The following ERAP2 variants were observed in gnomAD, a reference collection of about 807,000 sequenced individuals.
The protein encoded by ERAP2 is endoplasmic reticulum aminopeptidase 2.
In ERAP2, 118 loss-of-function variants were observed where a neutral mutation model predicts 111.1. That is an observed-to-expected ratio of 1.06 (90% CI 0.92 to 1.24). The LOEUF (loss-of-function observed/expected upper bound fraction) is 1.24, where lower values mean the gene tolerates loss of function less well. ERAP2 is among the 50% of genes most tolerant of loss of function. ERAP2 has a pLI of 0.00. For synonymous variants in ERAP2, 410 were observed against 401.2 expected (o/e 1.02, Z -0.26); for missense variants, 1,131 against 1,125.8 (o/e 1.00, Z -0.07).
intron 13 of ERAP2, among the ~76,000 whole-genome samples, chr5:96,908,632 T>C (rs1401900286): frequency 1.3e-5 from 2 of 152,234 alleles, no homozygotes; most frequent in Non-Finnish European, 2.9e-5. Flanking sequence ...TATTGGCTAA[T>C]ATTTATTTCA....
chr5:96,901,471 C>T (rs965997791), intron 10 of ERAP2, 35 bp from the exon 11 acceptor site: 1 of 1,602,918 alleles, frequency 6.2e-7, no homozygotes. Flanking sequence ...ATTGTCTCCT[C>T]TCTCTTGAGT....
Position 96,887,073 on chromosome 5 carries a change from GTATATATA to G in ERAP2, c.849+305_849+312del, listed in dbSNP as rs35218383. Among the ~76,000 whole-genome samples the G allele has an allele frequency of 2.5e-3, 216 of 87,186 alleles. 1 individual carries two copies. The highest frequency in any genetic ancestry group is 3.7e-3 in the Non-Finnish European group (159 of 43,530). 57.2% of individuals were successfully genotyped at this position (87,186 alleles called of 152,430 possible). A position where few individuals can be genotyped will look rare whatever the true frequency, so the allele number is the denominator to read the frequency against. ...TATATATGTAAAGGTAATTTTCAAA[GTATATATA>G]TATATATATATATATATATACACAC... On this transcript the variant is annotated intron_variant, in intron 4 of 18. Transcript: ENST00000437043.
intron 4 of ERAP2, 46 bp from the exon 5 acceptor site, chr5:96,889,139 C>A: frequency 6.2e-7 from 1 of 1,608,338 alleles, no homozygotes; most frequent in African/African-American, 1.3e-5. Context: ...TGGAATTATG[C>A]CAGGGAGCTG....
intron 5 of ERAP2, 89 bp from the exon 6 acceptor site, chr5:96,892,210 A>G: frequency 7.5e-7 from 1 of 1,330,882 alleles, no homozygotes; most frequent in Non-Finnish European, 1.1e-6. Flanking sequence ...AAATATGCTT[A>G]AAGGATCATA....
chr5:96,896,267 G>T, intron 7 of ERAP2, 106 bp from the exon 8 acceptor site: 2 of 853,098 alleles, frequency 2.3e-6, no homozygotes, highest in Non-Finnish European at 3.5e-6. Context: ...AAGAAATATC[G>T]ATTGAAATCT....
At chr5:96,893,913 C>G (rs1784620296) in intron 6 of ERAP2, among the ~76,000 whole-genome samples, 1 of 152,168 alleles carries the variant, frequency 6.6e-6, no homozygotes, top group African/African-American at 2.4e-5. Flanking sequence ...CAGGTTGTAT[C>G]ACTCTGCCTT....
intron 5 of ERAP2, among the ~76,000 whole-genome samples, chr5:96,890,421 G>A (rs1784218513): frequency 6.6e-6 from 1 of 152,126 alleles, no homozygotes; most frequent in African/African-American, 2.4e-5. Context: ...ATGCTCTCTC[G>A]CCCACCGCTC....
chr5:96,901,042 G>A (rs1785398789), intron 10 of ERAP2, among the ~76,000 whole-genome samples: 1 of 152,114 alleles, frequency 6.6e-6, no homozygotes, highest in African/African-American at 2.4e-5. Context: ...GCAGCCAGAG[G>A]TTTTGTTCTC....
chr5:96,912,083 G>C (rs1039531747), intron 15 of ERAP2, among the ~76,000 whole-genome samples: 7 of 149,994 alleles, frequency 4.7e-5, no homozygotes, highest in Non-Finnish European at 8.9e-5. Flanking sequence ...CCAGCTACTC[G>C]GGAGGCTGAG....
At chr5:96,912,528 G>A in intron 15 of ERAP2, 109 bp from the exon 16 acceptor site, 2 of 655,054 alleles carry the variant, frequency 3.1e-6, no homozygotes, top group Non-Finnish European at 5.0e-6. Flanking sequence ...AATACATTGA[G>A]TACTGAAAGC....
chr5:96,911,248 A>G lies in ERAP2; in HGVS notation c.2355-1389A>G, dbSNP rs78940603. 3.6e-4 allele frequency among the ~76,000 whole-genome samples: 55 copies of G among 152,342 alleles called. No individual in the cohort carries two copies. The East Asian group carries it at 6.0e-3, about 17-fold the overall frequency. The stretch of plus-strand genomic sequence containing the variant: ...CAGTTAAATAAGAGGTATGGAGACT[A>G]GTACAATCTCTACCATATGGTCACT... On this transcript the variant is annotated intron_variant, in intron 15 of 18. Transcript: ENST00000437043.
In ERAP2 at chr5:96,909,000, T is replaced by C; in HGVS notation, c.2052T>C (p.Thr684=). The C allele has an allele frequency of 6.2e-7, 1 of 1,614,206 alleles. No homozygotes were observed. Among genetic ancestry groups the C allele is most frequent in the Non-Finnish European group, 8.5e-7 (1 of 1,180,020 alleles). ...CCCTAGACAAAGCTCTTGACATGAC[T>C]TACTACCTCCAACATGAAACAAGCA... is the stretch of plus-strand genomic sequence containing the variant. The part of the protein sequence containing the change: ...RLTLDKALDM[T]YYLQHETSSP... Residue 684 remains threonine, a synonymous_variant, in exon 14 of 19, where the codon ACT becomes ACC. Transcript: ENST00000437043.
chr5:96,917,748 TA>T lies in ERAP2; in HGVS notation c.*144del, dbSNP rs1787582571. 1 of 502,870 alleles carries T rather than the reference TA, an allele frequency of 2.0e-6. No individual in the cohort carries two copies. The highest frequency in any genetic ancestry group is 2.0e-5 in the African/African-American group (1 of 48,930). 31.2% of individuals were successfully genotyped at this position (502,870 alleles called of 1,614,324 possible). A position where few individuals can be genotyped will look rare whatever the true frequency, so the allele number is the denominator to read the frequency against. ...GGTGAGACCCCGTCTCCGCTAAAAA[TA>T]CAAAAAATTAGCCGGGCATGGTGGC... On this transcript the variant is annotated 3_prime_UTR_variant, in exon 19 of 19. Transcript: ENST00000437043.
chr5:96,903,354 C>A, intron 12 of ERAP2, 23 bp from the exon 13 acceptor site: 1 of 1,572,160 alleles, frequency 6.4e-7, no homozygotes. Flanking sequence ...AATAAAATGC[C>A]TATGCCAATC....
chr5:96,886,582 T>G lies in ERAP2; in HGVS notation c.715-73T>G, dbSNP rs1467638499. 4 of 1,321,212 alleles carry G rather than the reference T, an allele frequency of 3.0e-6. No homozygotes were observed. The East Asian group carries it at 1.0e-4, about 34-fold the overall frequency. 81.8% of individuals were successfully genotyped at this position (1,321,212 alleles called of 1,614,324 possible). Reference sequence around the variant, plus strand: ...GTATGAGGCTTGCCTCTAACTCACCTGCCATAAGTCATAGGCATGGTTATG... The same window carrying G: ...GTATGAGGCTTGCCTCTAACTCACCGGCCATAAGTCATAGGCATGGTTATG... On this transcript the variant is annotated intron_variant, in intron 3 of 18. Transcript: ENST00000437043.
In ERAP2 at chr5:96,900,962, G is replaced by C. The variant is rs199727274; in HGVS notation, c.1573-544G>C. On this transcript the variant is annotated intron_variant, in intron 10 of 18. Coordinates refer to ENST00000437043, the MANE Select transcript of ERAP2 (RefSeq NM_022350.5). ...TTACAGGCATGATCCACGGCGCCTGGCCCTAAATTGTGTTTTCTAAAGGAA... is the reference window on the plus strand; with the variant it reads ...TTACAGGCATGATCCACGGCGCCTGCCCCTAAATTGTGTTTTCTAAAGGAA... Among the ~76,000 whole-genome samples the C allele has an allele frequency of 7.2e-5, 11 of 152,290 alleles. No individual in the cohort carries two copies. The East Asian group carries it at 2.1e-3, about 29-fold the overall frequency.
chr5:96,908,137 A>G (rs1215105120), intron 13 of ERAP2, among the ~76,000 whole-genome samples: 2 of 152,210 alleles, frequency 1.3e-5, no homozygotes, highest in African/African-American at 2.4e-5. Flanking sequence ...TATGTTAATG[A>G]TAAGCCCAGA....
At chr5:96,901,374 C>T (rs1469070665) in intron 10 of ERAP2, 132 bp from the exon 11 acceptor site, 4 of 977,908 alleles carry the variant, frequency 4.1e-6, no homozygotes, top group Non-Finnish European at 6.1e-6. Context: ...GATTACCCTT[C>T]CCTGAGATAC....
At chr5:96,886,856 T>C in intron 4 of ERAP2, 67 bp downstream of exon 4, 1 of 1,286,292 alleles carries the variant, frequency 7.8e-7, no homozygotes, top group Non-Finnish European at 1.0e-6. Flanking sequence ...ACTTTTGTTT[T>C]CTCATGTTTT....
Sources: gnomAD v4.1 joint callset for allele counts (sites outside exome capture counted in the v4.1 genomes callset) on GRCh38, gnomAD v4.1.1 for gene constraint, MANE v1.5 for transcripts, NCBI Gene and HGNC (gene_info 2026-07-23, HGNC 2026-07-21) for gene names.